Variants in IMMP2L observed in about 807,000 individuals in gnomAD.
IMMP2L encodes the protein inner mitochondrial membrane peptidase subunit 2, also known as mitochondrial inner membrane protease subunit 2.
In IMMP2L, 18 loss-of-function variants were observed where a neutral mutation model predicts 19.3. The observed-to-expected ratio is 0.93, with a 90% CI of 0.64 to 1.38. IMMP2L has a LOEUF of 1.38. Among genes scored for constraint, IMMP2L ranks in the 40% most tolerant of loss-of-function variants. IMMP2L has a pLI of 0.00. For missense variants in IMMP2L, 233 were observed against 218.2 expected, an observed-to-expected ratio of 1.07 and a Z score of -0.43; for synonymous variants, 76 against 73.0, an observed-to-expected ratio of 1.04 and a Z score of -0.21.
At chr7:110,988,221 T>A (rs1822059560) in intron 3 of IMMP2L, among the ~76,000 whole-genome samples, 1 of 152,134 alleles carries the variant, frequency 6.6e-6, no homozygotes, top group Non-Finnish European at 1.5e-5. Flanking sequence ...AGTGCTTCAG[T>A]TTGGTAGCAG....
At chr7:110,824,619 C>T (rs73419215) in intron 5 of IMMP2L, among the ~76,000 whole-genome samples, 14,269 of 151,964 alleles carry the variant, frequency 0.094, 1,073 homozygotes, top group African/African-American at 0.21. Context: ...ACTCCATCCC[C>T]GACCTCTGAA....
At chr7:110,847,617 T>C (rs1233306063) in intron 5 of IMMP2L, among the ~76,000 whole-genome samples, 1 of 152,106 alleles carries the variant, frequency 6.6e-6, no homozygotes, top group Non-Finnish European at 1.5e-5. Flanking sequence ...CCACTCAATA[T>C]TGAAGGAGAA....
At chr7:110,988,614 C>A (rs1449571108) in intron 3 of IMMP2L, among the ~76,000 whole-genome samples, 2 of 152,064 alleles carry the variant, frequency 1.3e-5, no homozygotes, top group East Asian at 3.9e-4. Context: ...TGTCACAAAG[C>A]ACAGTAAGGC....
intron 3 of IMMP2L, among the ~76,000 whole-genome samples, chr7:111,038,323 C>G (rs1235677962): frequency 3.3e-5 from 5 of 152,070 alleles, no homozygotes; most frequent in African/African-American, 1.2e-4. Context: ...ATTGGAAGCA[C>G]AGTGGAAAAG....
chr7:111,184,436 A>C (rs922306922), intron 3 of IMMP2L, among the ~76,000 whole-genome samples: 8 of 152,072 alleles, frequency 5.3e-5, no homozygotes, highest in Non-Finnish European at 5.9e-5. Context: ...AGTGACAATT[A>C]TATTCAATTT....
intron 3 of IMMP2L, among the ~76,000 whole-genome samples, chr7:111,160,218 T>C (rs997265958): frequency 1.2e-4 from 19 of 152,094 alleles, no homozygotes; most frequent in African/African-American, 4.3e-4. Flanking sequence ...TTTATGAAAG[T>C]ATGCCATAAG....
At position 110,877,671 on chromosome 7, in the gene IMMP2L, G is replaced by A. The variant is rs999825070; in HGVS notation, c.408+8922C>T. Among the ~76,000 whole-genome samples the A allele has an allele frequency of 2.0e-5, 3 of 152,012 alleles. No homozygotes were observed. The highest frequency in any genetic ancestry group is 4.8e-5 in the African/African-American group (2 of 41,412). ...TTGAGCCAGACTGCGCTTAGGCCTC[G>A]GCAAGAGGCACTACTTTTTTGGTGC... On this transcript the variant is annotated intron_variant, in intron 5 of 5. Transcript: ENST00000405709. This position sits in a 1 kb window ranked among gnomAD's most constrained non-coding sequence, Gnocchi z 4.0.
chr7:111,099,955 G>C (rs144008700), intron 3 of IMMP2L: 3 of 151,678 alleles, frequency 2.0e-5, no homozygotes, highest in African/African-American at 7.2e-5. Flanking sequence ...CCACAGCCCG[G>C]ACCCTGGGTA....
At chr7:110,920,927 A>C (rs1318025781) in intron 4 of IMMP2L, among the ~76,000 whole-genome samples, 1 of 152,160 alleles carries the variant, frequency 6.6e-6, no homozygotes, top group African/African-American at 2.4e-5. Context: ...TTGGCTTAAC[A>C]CTACAGACTT....
At chr7:111,150,954 T>A (rs1388843404) in intron 3 of IMMP2L, among the ~76,000 whole-genome samples, 2 of 152,194 alleles carry the variant, frequency 1.3e-5, no homozygotes, top group African/African-American at 4.8e-5. Context: ...GTGGCTTTTA[T>A]TCCATAGGAA....
At chr7:111,178,538 A>C (rs1807335845) in intron 3 of IMMP2L, among the ~76,000 whole-genome samples, 1 of 152,080 alleles carries the variant, frequency 6.6e-6, no homozygotes. Context: ...CATTTTACCC[A>C]CAGTAGAACT....
chr7:111,259,909 G>A (rs1817134995), intron 3 of IMMP2L, among the ~76,000 whole-genome samples: 1 of 151,926 alleles, frequency 6.6e-6, no homozygotes, highest in Non-Finnish European at 1.5e-5. Flanking sequence ...CCTGCACAGG[G>A]TCAGGATCAT....
chr7:110,728,365 G>C lies in IMMP2L; in HGVS notation c.409-64644C>G, dbSNP rs1192924454. 6.6e-6 allele frequency among the ~76,000 whole-genome samples: 1 copy of C among 151,936 alleles called. No individual in the cohort carries two copies. Among genetic ancestry groups the C allele is most frequent in the African/African-American group, 2.4e-5 (1 of 41,326 alleles). On this transcript the variant is annotated intron_variant, in intron 5 of 5. Coordinates refer to ENST00000405709, the MANE Select transcript of IMMP2L (RefSeq NM_032549.4). The surrounding 1 kb of genome is among the most constrained non-coding windows in gnomAD (Gnocchi z 4.6). Reference sequence around the variant, plus strand: ...TATATAAAAATTAGCTGGGCATAGTGGTGTGTGCCTGTAAACCCAGCTACT... The same window carrying C: ...TATATAAAAATTAGCTGGGCATAGTCGTGTGTGCCTGTAAACCCAGCTACT...
intron 3 of IMMP2L, among the ~76,000 whole-genome samples, chr7:111,485,242 C>A (rs1842529785): frequency 6.6e-6 from 1 of 152,048 alleles, no homozygotes. Flanking sequence ...CTCCTAAGAA[C>A]AAGCACATGA....
intron 4 of IMMP2L, among the ~76,000 whole-genome samples, chr7:110,893,388 C>A (rs563028935): frequency 6.6e-6 from 1 of 152,040 alleles, no homozygotes; most frequent in South Asian, 2.1e-4. Flanking sequence ...ACACACAATA[C>A]GTATTCTTTT....
chr7:111,439,464 A>T (rs1045104253), intron 3 of IMMP2L, among the ~76,000 whole-genome samples: 8 of 151,928 alleles, frequency 5.3e-5, no homozygotes, highest in Non-Finnish European at 1.0e-4. Flanking sequence ...GAGTCACACG[A>T]ATTTTTTGGT....
At chr7:111,375,035 G>A (rs1341447722) in intron 3 of IMMP2L, among the ~76,000 whole-genome samples, 1 of 151,946 alleles carries the variant, frequency 6.6e-6, no homozygotes, top group African/African-American at 2.4e-5. Flanking sequence ...CATAGCGGGG[G>A]GTCTTATACT....
chr7:111,051,511 A>T (rs961453455), intron 3 of IMMP2L, among the ~76,000 whole-genome samples: 2 of 152,180 alleles, frequency 1.3e-5, no homozygotes, highest in Non-Finnish European at 2.9e-5. Flanking sequence ...TTTTGATAAA[A>T]ACTCTTTATA....
At chr7:111,113,153 C>T in intron 3 of IMMP2L, among the ~76,000 whole-genome samples, 1 of 152,140 alleles carries the variant, frequency 6.6e-6, no homozygotes. Context: ...AATATTGTAA[C>T]TAAAATGTTC....
Sources: gnomAD v4.1 joint callset for allele counts (sites outside exome capture counted in the v4.1 genomes callset) on GRCh38, gnomAD v4.1.1 for gene constraint, Gnocchi (gnomAD v3.1) non-coding constraint, MANE v1.5 for transcripts, NCBI Gene and HGNC (gene_info 2026-07-23, HGNC 2026-07-21) for gene names.